Variants in WDR17 observed in about 807,000 individuals in gnomAD.
The protein encoded by WDR17 is WD repeat domain 17.
Under a neutral mutation model 161.7 loss-of-function variants are expected in WDR17, and 143 were observed. The observed-to-expected ratio is 0.88, with a 90% CI of 0.77 to 1.02. The LOEUF is 1.02. Ranked by LOEUF, WDR17 falls within the 50% of genes least tolerant of loss-of-function variation. The pLI, the probability that WDR17 is intolerant of heterozygous loss-of-function variation, is 0.00. For missense variants in WDR17, 1,469 were observed against 1,520.9 expected (o/e 0.97, Z 0.57); for synonymous variants, 517 against 515.6 (o/e 1.00, Z -0.04).
chr4:176,145,830 G>GC, intron 11 of WDR17, among the ~76,000 whole-genome samples, 165 bp from the exon 12 acceptor site: 1 of 152,196 alleles, frequency 6.6e-6, no homozygotes, highest in East Asian at 1.9e-4. Context: ...CTGTAAATGA[G>GC]CAGTAGCGTG....
In WDR17 at chr4:176,150,578, G is replaced by C; in HGVS notation, c.2289G>C (p.Leu763=). The C allele has an allele frequency of 6.2e-7, 1 of 1,602,250 alleles. No individual in the cohort carries two copies. Among genetic ancestry groups the C allele is most frequent in the East Asian group, 2.2e-5 (1 of 44,462 alleles). Residue 763 remains leucine (L), a synonymous_variant, in exon 16 of 29, where the codon CTG becomes CTC. Coordinates refer to ENST00000508596, the MANE Select transcript of WDR17 (RefSeq NM_181265.4). The part of the protein sequence containing the change: ...YCKGIMHLKH[L]IKFRTSEAQE... ...AAGGAATAATGCACTTGAAACATCT[G>C]ATTAAATTTAGAACAGTGAGTAAAA...
At chr4:176,093,471 C>T (rs976897451) in intron 1 of WDR17, among the ~76,000 whole-genome samples, 3 of 152,056 alleles carry the variant, frequency 2.0e-5, no homozygotes, top group Non-Finnish European at 2.9e-5. Flanking sequence ...ATGAAAACTA[C>T]TTTACTTCAT....
intron 3 of WDR17, among the ~76,000 whole-genome samples, chr4:176,119,093 A>C (rs1741123714): frequency 6.6e-6 from 1 of 152,144 alleles, no homozygotes; most frequent in African/African-American, 2.4e-5. Flanking sequence ...GAAGATGTGC[A>C]ATCTCTCTCT....
chr4:176,170,071 C>CA (rs764872298), intron 23 of WDR17, among the ~76,000 whole-genome samples: 3 of 152,128 alleles, frequency 2.0e-5, no homozygotes, highest in Non-Finnish European at 2.9e-5. Flanking sequence ...TATCAAGACT[C>CA]AGAGAGGCTA....
Position 176,166,099 on chromosome 4 carries a change from A to G in WDR17, c.2991-2573A>G, listed in dbSNP as rs1749738689. On this transcript the variant is annotated intron_variant, in intron 22 of 28. Transcript: ENST00000508596. ...GTGGTATTCATCGTATAATCATGGT[A>G]TTCATATTTAATATTTTCCTTTAGC... 7.3e-6 allele frequency: 8 copies of G among 1,090,008 alleles called. No homozygotes were observed. The East Asian group carries it at 2.3e-4, about 31-fold the overall frequency. The allele number at this position is 1,090,008 out of a possible 1,614,324, so 67.5% of individuals were successfully genotyped here.
In WDR17 at chr4:176,076,214, AATATATATATAT is replaced by A. The variant is rs1219401869; in HGVS notation, c.-7+10165_-7+10176del. ...TAGTTAACTGTATGTTTACATATAT[AATATATATATAT>A]ATATATATATATATATATATATATA... On this transcript the variant is annotated intron_variant, in intron 1 of 28. Transcript: ENST00000508596. Among the ~76,000 whole-genome samples, 608 of 62,230 alleles carry A rather than the reference AATATATATATAT, an allele frequency of 9.8e-3. 12 individuals are homozygous for A. The highest frequency in any genetic ancestry group is 0.022 in the African/African-American group (438 of 20,266). The allele number at this position is 62,230 out of a possible 152,430, so 40.8% of individuals were successfully genotyped here.
chr4:176,090,611 T>C (rs33952957), intron 1 of WDR17, among the ~76,000 whole-genome samples: 28,882 of 152,070 alleles, frequency 0.19, 3,028 homozygotes, highest in South Asian at 0.27. Flanking sequence ...TAGGCCCATA[T>C]GGTCCTCACT....
chr4:176,143,499 TAA>T (rs10646644), intron 11 of WDR17, among the ~76,000 whole-genome samples: 5,889 of 137,074 alleles, frequency 0.043, 349 homozygotes, highest in African/African-American at 0.14. Flanking sequence ...CTTCGTCTCT[TAA>T]AAAAAAAAAA....
At chr4:176,149,075 G>T (rs958559316) in intron 13 of WDR17, among the ~76,000 whole-genome samples, 1 of 152,038 alleles carries the variant, frequency 6.6e-6, no homozygotes, top group Non-Finnish European at 1.5e-5. Flanking sequence ...GAATTGAAAG[G>T]TCCCCAACTC....
At chr4:176,179,351 G>T in intron 28 of WDR17, 109 bp from the exon 29 acceptor site, 1 of 1,199,128 alleles carries the variant, frequency 8.3e-7, no homozygotes, top group Non-Finnish European at 1.1e-6. Context: ...TATTAGCTTT[G>T]CCTAAATATT....
intron 1 of WDR17, among the ~76,000 whole-genome samples, chr4:176,098,719 T>C (rs1047018913): frequency 3.3e-5 from 5 of 152,030 alleles, no homozygotes; most frequent in African/African-American, 1.2e-4. Context: ...TTTGTTTGAA[T>C]ATGTAATTCA....
intron 1 of WDR17, among the ~76,000 whole-genome samples, chr4:176,073,793 C>G (rs1457663697): frequency 2.6e-5 from 4 of 152,056 alleles, no homozygotes; most frequent in Admixed American, 1.3e-4. Flanking sequence ...TAATGATTGT[C>G]ATTCTAACTG....
intron 16 of WDR17, among the ~76,000 whole-genome samples, chr4:176,151,309 A>G (rs988853484): frequency 6.6e-6 from 1 of 152,058 alleles, no homozygotes; most frequent in Non-Finnish European, 1.5e-5. Flanking sequence ...TTACTTTATC[A>G]TTACCTTTTA....
Position 176,137,477 on chromosome 4 carries a change from G to A in WDR17, c.1268-43G>A. 3 of 1,477,040 alleles carry A rather than the reference G, an allele frequency of 2.0e-6. No homozygotes were observed. In the South Asian group the frequency reaches 3.6e-5, roughly 18 times the overall value. The allele number at this position is 1,477,040 out of a possible 1,614,324, so 91.5% of individuals were successfully genotyped here. ...TACATTTTTTAAAAGAATTACATTT[G>A]TGGGAAACATTTAGTATAATGTCTA... On this transcript the variant is annotated intron_variant, in intron 8 of 28. Transcript: ENST00000508596.
At chr4:176,077,399 G>A (rs1165856823) in intron 1 of WDR17, among the ~76,000 whole-genome samples, 1 of 110,974 alleles carries the variant, frequency 9.0e-6, no homozygotes, top group Non-Finnish European at 2.2e-5. Context: ...TTATACATAC[G>A]TCCTGGGAGA....
chr4:176,094,733 T>G (rs964592777), intron 1 of WDR17, among the ~76,000 whole-genome samples: 4 of 152,180 alleles, frequency 2.6e-5, no homozygotes, highest in Non-Finnish European at 5.9e-5. Flanking sequence ...CAAAGTAATT[T>G]GATAAGACTT....
At chr4:176,155,545 G>GTTT (rs869207103) in intron 17 of WDR17, among the ~76,000 whole-genome samples, 4 of 105,244 alleles carry the variant, frequency 3.8e-5, no homozygotes, top group African/African-American at 7.8e-5. Flanking sequence ...ATTTGTTTGT[G>GTTT]TTTTTTTTTT....
intron 23 of WDR17, among the ~76,000 whole-genome samples, chr4:176,170,165 C>A (rs1278979169): frequency 6.6e-6 from 1 of 151,916 alleles, no homozygotes; most frequent in South Asian, 2.1e-4. Context: ...TAAATATATG[C>A]TCTTAATTCA....
At position 176,098,700 on chromosome 4, in the gene WDR17, A is replaced by G. The variant is rs138017417; in HGVS notation, c.-6-12875A>G. Among the ~76,000 whole-genome samples the G allele has an allele frequency of 4.0e-3, 610 of 152,150 alleles. 6 individuals are homozygous for G. The highest frequency in any genetic ancestry group is 0.013 in the African/African-American group (551 of 41,554). On this transcript the variant is annotated intron_variant, in intron 1 of 28. Coordinates refer to ENST00000508596, the MANE Select transcript of WDR17 (RefSeq NM_181265.4). The stretch of plus-strand genomic sequence containing the variant: ...TTGCAAAAATAATTTAGAAATTCAC[A>G]TATTAGACTTTGTTTGAATATGTAA...
Sources: gnomAD v4.1 joint callset for allele counts (sites outside exome capture counted in the v4.1 genomes callset) on GRCh38, gnomAD v4.1.1 for gene constraint, MANE v1.5 for transcripts, NCBI Gene and HGNC (gene_info 2026-07-23, HGNC 2026-07-21) for gene names.